HFM1: variants seen among roughly 807,000 people sequenced by gnomAD.
HFM1 encodes helicase for meiosis 1.
HFM1 carries 169 observed loss-of-function variants against 192.1 expected under a neutral mutation model. The observed-to-expected ratio is 0.88, with a 90% CI of 0.78 to 1.00. The LOEUF (loss-of-function observed/expected upper bound fraction) is 1.00. HFM1 is among the 50% of genes least tolerant of loss of function. The pLI, the probability that HFM1 is intolerant of heterozygous loss-of-function variation, is 0.00. For synonymous variants in HFM1, 525 were observed against 537.8 expected (o/e 0.98, Z 0.33); for missense variants, 1,661 against 1,668.0 (o/e 1.00, Z 0.07).
chr1:91,360,190 A>G (rs1658307337), intron 13 of HFM1, among the ~76,000 whole-genome samples: 1 of 152,218 alleles, frequency 6.6e-6, no homozygotes, highest in African/African-American at 2.4e-5. Flanking sequence ...AAATTCACAC[A>G]TAACAATACC....
At chr1:91,291,432 A>C (rs551293581) in intron 30 of HFM1, among the ~76,000 whole-genome samples, 68 of 152,354 alleles carry the variant, frequency 4.5e-4, no homozygotes, top group African/African-American at 1.6e-3. Context: ...ACCTCTACGC[A>C]AATAAACTAG....
chr1:91,270,687 G>A (rs1267096829), intron 34 of HFM1, among the ~76,000 whole-genome samples: 1 of 151,960 alleles, frequency 6.6e-6, no homozygotes, highest in African/African-American at 2.4e-5. Flanking sequence ...AATCAAAGGA[G>A]AGATTTCCAA....
In HFM1 at chr1:91,378,459, T is replaced by C. The variant is rs1661176295; in HGVS notation, c.1180A>G (p.Arg394Gly). ...TTPEKWDSMT[R>G]KWRDNSLVQL... ...ACCAAAGAGTTGTCTCTCCATTTCC[T>C]AGTCATGCTATCCCATTTTTCCTAG... Residue 394 changes from arginine to glycine, a missense_variant, in exon 10 of 39, where the codon AGG becomes GGG. Physicochemically the swap from Arg to Gly is moderately radical, Grantham distance 125 (BLOSUM62 -2). Coordinates refer to ENST00000370425, the MANE Select transcript of HFM1 (RefSeq NM_001017975.6). 2 of 1,602,460 alleles carry C rather than the reference T, an allele frequency of 1.2e-6. No homozygotes were observed. Among genetic ancestry groups the C allele is most frequent in the Non-Finnish European group, 1.7e-6 (2 of 1,171,722 alleles).
chr1:91,270,575 A>T (rs76455926), intron 34 of HFM1, among the ~76,000 whole-genome samples: 3 of 100,722 alleles, frequency 3.0e-5, no homozygotes, highest in Admixed American at 1.0e-4. Context: ...TGAGAAGAAT[A>T]AAAAAAAAAA....
intron 30 of HFM1, among the ~76,000 whole-genome samples, chr1:91,303,498 T>A (rs181959828): frequency 6.6e-6 from 1 of 152,360 alleles, no homozygotes; most frequent in Middle Eastern, 3.4e-3. Flanking sequence ...TTTGTATGAA[T>A]ATGTTTTCAA....
intron 21 of HFM1, among the ~76,000 whole-genome samples, chr1:91,323,803 C>T (rs747765437): frequency 2.0e-5 from 3 of 152,124 alleles, no homozygotes; most frequent in Non-Finnish European, 4.4e-5. Context: ...TGGGTGTTTT[C>T]GACTCTTGAT....
At chr1:91,328,892 A>G in intron 20 of HFM1, 4 of 1,610,976 alleles carry the variant, frequency 2.5e-6, no homozygotes, top group Non-Finnish European at 3.4e-6. Context: ...GAAGGCTGGC[A>G]AAGTCTATCC....
At chr1:91,330,283 A>G (rs1653621369) in intron 20 of HFM1, among the ~76,000 whole-genome samples, 3 of 152,292 alleles carry the variant, frequency 2.0e-5, no homozygotes, top group Admixed American at 6.5e-5. Flanking sequence ...GAAAAAGAAA[A>G]TATCCAAATA....
At chr1:91,377,228 A>C (rs1182387903) in intron 11 of HFM1, among the ~76,000 whole-genome samples, 1 of 151,940 alleles carries the variant, frequency 6.6e-6, no homozygotes, top group African/African-American at 2.4e-5. Flanking sequence ...AAATTTTTCT[A>C]TATTATTCTT....
intron 9 of HFM1, among the ~76,000 whole-genome samples, chr1:91,378,831 A>G (rs1186236253): frequency 2.0e-5 from 3 of 152,118 alleles, no homozygotes; most frequent in African/African-American, 4.8e-5. Flanking sequence ...AGTATCCACA[A>G]TAACAAACTG....
intron 20 of HFM1, among the ~76,000 whole-genome samples, chr1:91,331,709 AAC>A (rs1270005634): frequency 6.6e-6 from 1 of 152,252 alleles, no homozygotes; most frequent in Non-Finnish European, 1.5e-5. Context: ...TAGCCTGGCC[AAC>A]ATGGCGAAAC....
intron 6 of HFM1, among the ~76,000 whole-genome samples, chr1:91,384,897 C>G (rs1662003002): frequency 6.6e-6 from 1 of 152,026 alleles, no homozygotes; most frequent in Non-Finnish European, 1.5e-5. Context: ...GTGCACACCA[C>G]CAGGCCCAGC....
intron 2 of HFM1, among the ~76,000 whole-genome samples, chr1:91,396,694 T>C (rs1204619302): frequency 3.3e-5 from 5 of 152,194 alleles, no homozygotes; most frequent in African/African-American, 4.8e-5. Flanking sequence ...TGCTCCAATA[T>C]AAAAACAAAG....
At chr1:91,355,916 C>T (rs988603235) in intron 13 of HFM1, among the ~76,000 whole-genome samples, 11 of 152,106 alleles carry the variant, frequency 7.2e-5, no homozygotes, top group African/African-American at 2.4e-4. Flanking sequence ...AGAATGTATA[C>T]GCTTCTCTAG....
chr1:91,355,855 G>C (rs1472478942), intron 13 of HFM1, among the ~76,000 whole-genome samples: 2 of 152,122 alleles, frequency 1.3e-5, no homozygotes, highest in Admixed American at 6.6e-5. Context: ...ATTGTACTTT[G>C]AGTCAAATGG....
chr1:91,394,246 A>AAGTC lies in HFM1; in HGVS notation c.337_340dup (p.Leu114Ter). 1 of 1,599,396 alleles carries AAGTC rather than the reference A, an allele frequency of 6.3e-7. No homozygotes were observed. The highest frequency in any genetic ancestry group is 8.6e-7 in the Non-Finnish European group (1 of 1,166,548). ...TGTCAGCTTGCCAGCAATATGTGAT[A>AAGTC]AGTCATTATTACCTACCCCTTCTAA... On this transcript the variant is annotated stop_gained and frameshift_variant, in exon 4 of 39. Coordinates refer to ENST00000370425, the MANE Select transcript of HFM1 (RefSeq NM_001017975.6). LOFTEE classifies it high-confidence loss of function.
At chr1:91,378,348 G>T in intron 10 of HFM1, 55 bp downstream of exon 10, 5 of 1,411,350 alleles carry the variant, frequency 3.5e-6, no homozygotes, top group Admixed American at 3.6e-5. Flanking sequence ...TTTTCTTTCT[G>T]TCTTATTCTA....
At chr1:91,399,603 CAT>C (rs2102199620) in intron 2 of HFM1, among the ~76,000 whole-genome samples, 1 of 152,304 alleles carries the variant, frequency 6.6e-6, no homozygotes, top group Admixed American at 6.5e-5. Context: ...AACTTCTCTA[CAT>C]GTTATCCCTT....
chr1:91,328,251 T>G (rs1220913939), intron 20 of HFM1: 2 of 604,388 alleles, frequency 3.3e-6, no homozygotes, highest in East Asian at 3.1e-5. Context: ...GGGCTGAGTG[T>G]CAGGCGACCC....
Sources: gnomAD v4.1 joint callset for allele counts (sites outside exome capture counted in the v4.1 genomes callset) on GRCh38, gnomAD v4.1.1 for gene constraint, MANE v1.5 for transcripts, NCBI Gene and HGNC (gene_info 2026-07-23, HGNC 2026-07-21) for gene names.